ZC4H2: variants seen among roughly 807,000 people sequenced by gnomAD.
ZC4H2 encodes the protein zinc finger C4H2-type containing, also known as zinc finger C4H2 domain-containing protein.
For synonymous variants in ZC4H2, 84 were observed against 66.3 expected (o/e 1.27, Z -1.30); for missense variants, 137 against 173.9 (o/e 0.79, Z 1.19).
At chrX:64,976,866 G>T (rs1337774197), upstream of ZC4H2, among the ~76,000 whole-genome samples, 1 of 105,976 alleles carries the variant, frequency 9.4e-6, no homozygotes. Context: ...AAGTAGCTTT[G>T]GAGACGTTGA....
At chrX:65,031,010 G>A (rs897307550) in intron 1 of ZC4H2, among the ~76,000 whole-genome samples, 2 of 111,098 alleles carry the variant, frequency 1.8e-5, no homozygotes, top group Non-Finnish European at 3.8e-5. Flanking sequence ...TGGACTCAGA[G>A]TTGAGCCTCA....
chrX:64,936,405 T>C (rs1930014326), intron 1 of ZC4H2, among the ~76,000 whole-genome samples: 1 of 110,740 alleles, frequency 9.0e-6, no homozygotes. Flanking sequence ...AACATTCAAA[T>C]TCGGGAAATA....
chrX:65,011,114 C>CA (rs931447640), intron 1 of ZC4H2, among the ~76,000 whole-genome samples: 28 of 110,021 alleles, frequency 2.5e-4, no homozygotes, highest in East Asian at 1.4e-3. Context: ...AACAAACAAA[C>CA]AAAAAAAAAC....
chrX:64,948,241 C>G (rs1794210691), intron 1 of ZC4H2, among the ~76,000 whole-genome samples: 1 of 111,591 alleles, frequency 9.0e-6, no homozygotes, highest in Admixed American at 9.6e-5. Context: ...AGAAACCGGA[C>G]TTGGTCCAGG....
At chrX:64,949,174 C>G (rs1044344655) in intron 1 of ZC4H2, among the ~76,000 whole-genome samples, 1 of 111,300 alleles carries the variant, frequency 9.0e-6, no homozygotes, top group Admixed American at 9.6e-5. Flanking sequence ...TACACTAATG[C>G]CAGGGTGAAA....
chrX:64,976,218 G>T, intron 1 of ZC4H2, 107 bp downstream of exon 1: 1 of 916,587 alleles, frequency 1.1e-6, no homozygotes, highest in Non-Finnish European at 1.6e-6. Context: ...GTGGTGAATG[G>T]GCCCCTTTCC....
chrX:64,961,878 A>C (rs1931406160), intron 1 of ZC4H2, among the ~76,000 whole-genome samples: 1 of 111,525 alleles, frequency 9.0e-6, no homozygotes, highest in African/African-American at 3.2e-5. Flanking sequence ...TAAATAGAAA[A>C]TCTGAATAGA....
At chrX:64,952,326 A>T (rs1602412840) in intron 1 of ZC4H2, among the ~76,000 whole-genome samples, 1 of 107,766 alleles carries the variant, frequency 9.3e-6, no homozygotes, top group East Asian at 3.0e-4. Context: ...AGTTTCTTCC[A>T]ATTCTGTGAA....
Position 65,014,565 on chromosome X carries a change from A to G in ZC4H2, c.-272+20064T>C, listed in dbSNP as rs184253786. ...CAATTCATATTTCACCAAGCTCTAC[A>G]GAAAAAACTGGGTTTAAGTCTTCAT... On this transcript the variant is annotated intron_variant, in intron 1 of 4. Transcript: ENST00000337990. Among the ~76,000 whole-genome samples, 247 of 111,960 alleles carry G rather than the reference A, an allele frequency of 2.2e-3. 5 individuals are homozygous for G. Among genetic ancestry groups the G allele is most frequent in the Admixed American group, 0.021 (222 of 10,515 alleles).
intron 1 of ZC4H2, among the ~76,000 whole-genome samples, chrX:64,927,423 T>A (rs1174747876): frequency 1.8e-5 from 2 of 111,344 alleles, no homozygotes; most frequent in South Asian, 3.8e-4. Context: ...ACAATGGTGG[T>A]TTCCAGCTTC....
chrX:64,919,359 C>A, intron 3 of ZC4H2, 155 bp from the exon 4 acceptor site: 1 of 550,074 alleles, frequency 1.8e-6, no homozygotes, highest in Admixed American at 3.5e-5. Context: ...TCCCTGGGTA[C>A]TAGGCCCAAT....
chrX:64,988,623 G>T (rs1333706895), intron 1 of ZC4H2, among the ~76,000 whole-genome samples: 10 of 110,130 alleles, frequency 9.1e-5, no homozygotes, highest in Non-Finnish European at 1.7e-4. Context: ...GTAGATTCTG[G>T]ATATTAGCCC....
At chrX:64,964,731 G>A (rs910108989) in intron 1 of ZC4H2, among the ~76,000 whole-genome samples, 4 of 111,288 alleles carry the variant, frequency 3.6e-5, no homozygotes, top group African/African-American at 9.8e-5. Context: ...GGAATACAGA[G>A]CACTGAAAAT....
chrX:65,034,070 C>G (rs1213091429), intron 1 of ZC4H2, among the ~76,000 whole-genome samples: 1 of 87,385 alleles, frequency 1.1e-5, no homozygotes, highest in Non-Finnish European at 2.1e-5. Context: ...GCCTGGGCGA[C>G]AGAGTAAGAC....
chrX:65,018,292 A>G (rs1480109750), intron 1 of ZC4H2, among the ~76,000 whole-genome samples: 1 of 112,554 alleles, frequency 8.9e-6, no homozygotes, highest in African/African-American at 3.2e-5. Flanking sequence ...AGATTGACAC[A>G]GAAGGTGGGT....
chrX:64,938,019 A>G (rs1212425978), intron 1 of ZC4H2, among the ~76,000 whole-genome samples: 1 of 111,999 alleles, frequency 8.9e-6, no homozygotes, highest in African/African-American at 3.2e-5. Flanking sequence ...AAAAGTCATC[A>G]AAATAGATAG....
intron 1 of ZC4H2, among the ~76,000 whole-genome samples, chrX:64,935,384 T>C (rs1331590260): frequency 8.9e-6 from 1 of 111,995 alleles, no homozygotes; most frequent in East Asian, 2.8e-4. Context: ...GAAGGGGCAG[T>C]GGTGGACACA....
At chrX:65,032,424 T>A (rs1932943159) in intron 1 of ZC4H2, among the ~76,000 whole-genome samples, 1 of 111,913 alleles carries the variant, frequency 8.9e-6, no homozygotes, top group Admixed American at 9.4e-5. Context: ...GGAATTGTTT[T>A]CCTTAGAACC....
intron 1 of ZC4H2, among the ~76,000 whole-genome samples, chrX:64,941,980 T>C (rs779108873): frequency 1.8e-5 from 2 of 111,959 alleles, no homozygotes; most frequent in South Asian, 7.5e-4. Context: ...CATCTCCTCT[T>C]TTTACCTTTG....
Sources: allele counts gnomAD v4.1 joint callset (sites outside exome capture counted in the v4.1 genomes callset), GRCh38; gene constraint gnomAD v4.1.1; transcripts MANE v1.5; gene names NCBI Gene and HGNC (gene_info 2026-07-23, HGNC 2026-07-21).